The following VAV3 variants were observed in gnomAD, a reference collection of about 807,000 sequenced individuals.
VAV3 encodes vav guanine nucleotide exchange factor 3, also known as guanine nucleotide exchange factor VAV3.
VAV3 carries 94 observed loss-of-function variants against 131.2 expected under a neutral mutation model. The ratio of observed to expected loss-of-function variants is 0.72; its 90% CI spans 0.61 to 0.85. The LOEUF (loss-of-function observed/expected upper bound fraction) is 0.85. VAV3 is among the 40% of genes least tolerant of loss of function. The probability of loss-of-function intolerance (pLI) is 0.00; values close to 1 mark genes in which losing one functional copy is unlikely to be tolerated. For synonymous variants in VAV3, 349 were observed against 342.0 expected, an observed-to-expected ratio of 1.02 and a Z score of -0.22; for missense variants, 939 against 1,002.7, an observed-to-expected ratio of 0.94 and a Z score of 0.86.
intron 8 of VAV3, among the ~76,000 whole-genome samples, chr1:107,765,492 T>C (rs935282789): frequency 1.3e-5 from 2 of 152,186 alleles, no homozygotes; most frequent in Non-Finnish European, 2.9e-5. Context: ...AAAACAAAAT[T>C]AAAAATTTCT....
chr1:107,757,151 ATATGTG>A (rs987645100), intron 11 of VAV3, 104 bp downstream of exon 11: 16 of 579,454 alleles, frequency 2.8e-5, no homozygotes, highest in African/African-American at 2.1e-4. Context: ...ATATGTGTGT[ATATGTG>A]TGTGTGTGTG....
At chr1:107,919,878 T>TA (rs1235199309) in intron 1 of VAV3, among the ~76,000 whole-genome samples, 7 of 151,402 alleles carry the variant, frequency 4.6e-5, no homozygotes, top group Non-Finnish European at 1.0e-4. Context: ...CTCAGAAACA[T>TA]AAAAAACATT....
intron 2 of VAV3, among the ~76,000 whole-genome samples, chr1:107,784,566 C>A (rs1008049164): frequency 1.3e-5 from 2 of 152,102 alleles, no homozygotes; most frequent in African/African-American, 4.8e-5. Flanking sequence ...TGAAAAATAT[C>A]TGCATAAATT....
chr1:107,808,624 T>C (rs1215994182), intron 2 of VAV3, among the ~76,000 whole-genome samples: 1 of 152,146 alleles, frequency 6.6e-6, no homozygotes, highest in Non-Finnish European at 1.5e-5. Flanking sequence ...CACCTTCAAT[T>C]CCAAAACACT....
chr1:107,864,754 CTGTT>C (rs1294859746), intron 2 of VAV3, among the ~76,000 whole-genome samples: 5 of 152,354 alleles, frequency 3.3e-5, no homozygotes, highest in African/African-American at 1.2e-4. Flanking sequence ...TCATTGTTCT[CTGTT>C]TCTTTCCTCA....
At chr1:107,699,495 T>C (rs1400135743) in intron 17 of VAV3, among the ~76,000 whole-genome samples, 2 of 152,204 alleles carry the variant, frequency 1.3e-5, no homozygotes, top group African/African-American at 2.4e-5. Flanking sequence ...GTGCAAACTG[T>C]GGGTGGACCT....
intron 1 of VAV3, among the ~76,000 whole-genome samples, chr1:107,951,528 A>G (rs142143197): frequency 3.9e-5 from 6 of 152,366 alleles, no homozygotes; most frequent in Non-Finnish European, 5.9e-5. Flanking sequence ...CAACAGAGTA[A>G]AGAGACAACC....
rs570764327 is a variant in VAV3, at chr1:107,574,280, T to C, written c.2351-82A>G. 8.6e-6 allele frequency: 13 copies of C among 1,504,594 alleles called. No homozygotes were observed. The African/African-American group carries it at 1.1e-4, about 13-fold the overall frequency. 93.2% of individuals were successfully genotyped at this position (1,504,594 alleles called of 1,614,324 possible). A position where few individuals can be genotyped will look rare whatever the true frequency, so the allele number is the denominator to read the frequency against. ...AACCTAATCAGATGAATGTTATTGA[T>C]GCTATCAAATGCACAGTCGTGATTT... is the stretch of plus-strand genomic sequence containing the variant. On this transcript the variant is annotated intron_variant, in intron 25 of 26. Transcript: ENST00000370056.
At chr1:107,800,281 A>G (rs905559744) in intron 2 of VAV3, among the ~76,000 whole-genome samples, 16 of 151,922 alleles carry the variant, frequency 1.1e-4, no homozygotes, top group Admixed American at 9.8e-4. Flanking sequence ...ACAGTTTTCT[A>G]TATTAGTTTT....
intron 2 of VAV3, among the ~76,000 whole-genome samples, chr1:107,862,241 T>C (rs111349034): frequency 9.9e-5 from 15 of 151,626 alleles, no homozygotes; most frequent in African/African-American, 3.4e-4. Flanking sequence ...CTGCCAAGCA[T>C]TGTTTCCTGT....
intron 21 of VAV3, among the ~76,000 whole-genome samples, chr1:107,611,733 G>A (rs1451838780): frequency 6.6e-6 from 1 of 152,102 alleles, no homozygotes; most frequent in Non-Finnish European, 1.5e-5. Flanking sequence ...AGTGACAGAA[G>A]ATTCTAAAAC....
At position 107,614,654 on chromosome 1, in the gene VAV3, A is replaced by G. The variant is rs1207894698; in HGVS notation, c.1980+2913T>C. On this transcript the variant is annotated intron_variant, in intron 21 of 26. Transcript: ENST00000370056. ...CTTCTTGGGTCAGCAAATATCATTC[A>G]ATATGATTCTACAGGCTGATTTAAT... Among the ~76,000 whole-genome samples, 2 of 152,148 alleles carry G rather than the reference A, an allele frequency of 1.3e-5. 1 individual carries two copies. The highest frequency in any genetic ancestry group is 1.3e-4 in the Admixed American group (2 of 15,260).
At chr1:107,662,290 T>C (rs1657078643) in intron 19 of VAV3, among the ~76,000 whole-genome samples, 1 of 152,166 alleles carries the variant, frequency 6.6e-6, no homozygotes, top group African/African-American at 2.4e-5. Context: ...AAATTGTTTT[T>C]ATAAAAAAAC....
intron 15 of VAV3, among the ~76,000 whole-genome samples, chr1:107,714,769 T>C (rs1232468476): frequency 6.6e-6 from 1 of 152,146 alleles, no homozygotes; most frequent in Non-Finnish European, 1.5e-5. Flanking sequence ...TTCCTTTCCT[T>C]ATATTCCAAA....
chr1:107,707,067 CA>C (rs947203613), intron 15 of VAV3, among the ~76,000 whole-genome samples: 2 of 151,866 alleles, frequency 1.3e-5, no homozygotes, highest in African/African-American at 2.4e-5. Context: ...AGATGTTTTA[CA>C]AAAAAATTAT....
chr1:107,959,212 G>T (rs1432107899), intron 1 of VAV3, among the ~76,000 whole-genome samples: 2 of 152,116 alleles, frequency 1.3e-5, no homozygotes, highest in Non-Finnish European at 2.9e-5. Context: ...AGTGAGCCAA[G>T]ATCTCACCAC....
intron 15 of VAV3, among the ~76,000 whole-genome samples, chr1:107,711,988 G>A (rs944234342): frequency 5.3e-5 from 8 of 152,120 alleles, no homozygotes; most frequent in East Asian, 3.9e-4. Context: ...GCCCGACAAC[G>A]CATTCAATAA....
intron 1 of VAV3, among the ~76,000 whole-genome samples, chr1:107,942,756 A>T (rs1674063090): frequency 6.6e-6 from 1 of 152,190 alleles, no homozygotes; most frequent in South Asian, 2.1e-4. Flanking sequence ...CTTTGTAATC[A>T]TCTTCTTAAC....
At chr1:107,758,599 CT>C (rs1208150418) in intron 10 of VAV3, among the ~76,000 whole-genome samples, 2 of 151,990 alleles carry the variant, frequency 1.3e-5, no homozygotes, top group African/African-American at 4.8e-5. Flanking sequence ...TCATAATGAG[CT>C]TCTGATCGGC....
Sources: allele counts gnomAD v4.1 joint callset (sites outside exome capture counted in the v4.1 genomes callset), GRCh38; gene constraint gnomAD v4.1.1; transcripts MANE v1.5; gene names NCBI Gene and HGNC (gene_info 2026-07-23, HGNC 2026-07-21).